Variants in RGS7 observed in about 807,000 individuals in gnomAD.
RGS7 encodes regulator of G protein signaling 7.
Under a neutral mutation model 81.1 loss-of-function variants are expected in RGS7, and 27 were observed. That is an observed-to-expected ratio of 0.33 (90% CI 0.25 to 0.46). The LOEUF (loss-of-function observed/expected upper bound fraction) is 0.46, where lower values mean the gene tolerates loss of function less well. RGS7 is among the 20% of genes least tolerant of loss of function. The pLI is 1.00. For synonymous variants in RGS7, 208 were observed against 207.7 expected (o/e 1.00, Z -0.01); for missense variants, 396 against 607.4 (o/e 0.65, Z 3.66).
intron 9 of RGS7, among the ~76,000 whole-genome samples, chr1:240,847,639 C>G (rs1659338238): frequency 6.6e-6 from 1 of 152,180 alleles, no homozygotes; most frequent in Non-Finnish European, 1.5e-5. Context: ...TTCTGTCTCA[C>G]TGGATATCTT....
chr1:241,285,758 G>T (rs1643873293), intron 2 of RGS7, among the ~76,000 whole-genome samples: 1 of 152,184 alleles, frequency 6.6e-6, no homozygotes, highest in Non-Finnish European at 1.5e-5. Context: ...TGTCTTGGTT[G>T]GTCTCTCCCT....
chr1:241,278,935 A>G (rs1239288790), intron 2 of RGS7, among the ~76,000 whole-genome samples: 3 of 152,160 alleles, frequency 2.0e-5, no homozygotes, highest in Non-Finnish European at 4.4e-5. Flanking sequence ...GGAGAAAAGA[A>G]TGGAAGCAGG....
At chr1:241,139,265 TCTC>T (rs1052707578) in intron 2 of RGS7, among the ~76,000 whole-genome samples, 2 of 148,608 alleles carry the variant, frequency 1.3e-5, no homozygotes, top group African/African-American at 2.5e-5. Flanking sequence ...TTCCTCCCAC[TCTC>T]CTTTCCTCCC....
chr1:240,841,565 T>C (rs1242342757), intron 9 of RGS7, among the ~76,000 whole-genome samples: 1 of 141,270 alleles, frequency 7.1e-6, no homozygotes, highest in African/African-American at 2.6e-5. Context: ...TGCAGTACTT[T>C]GACATTTTTC....
rs540346207 is a variant in RGS7 at position 240,861,861 on chromosome 1, T to C, written c.609+6726A>G. 2.0e-5 allele frequency among the ~76,000 whole-genome samples: 3 copies of C among 152,308 alleles called. No homozygotes were observed. The South Asian group carries it at 6.2e-4, about 32-fold the overall frequency. On this transcript the variant is annotated intron_variant, in intron 9 of 18. Coordinates refer to ENST00000440928, the MANE Select transcript of RGS7 (RefSeq NM_001364886.1). ...GAGGATTGGGCACAAAATGCTAAAA[T>C]TGAGTTTCTTCAGCACTTTGACAAG...
At chr1:241,236,230 C>T (rs1443113038) in intron 2 of RGS7, among the ~76,000 whole-genome samples, 1 of 149,334 alleles carries the variant, frequency 6.7e-6, no homozygotes, top group Non-Finnish European at 1.5e-5. Flanking sequence ...AAGATGAGTA[C>T]ATACATGTAA....
At chr1:241,220,981 G>GAAA (rs879590795) in intron 2 of RGS7, among the ~76,000 whole-genome samples, 1 of 55,410 alleles carries the variant, frequency 1.8e-5, no homozygotes, top group African/African-American at 7.7e-5. Flanking sequence ...AAGGAAGGAA[G>GAAA]GAAGGAAGGA....
At chr1:241,341,423 G>A (rs1312732539) in intron 2 of RGS7, among the ~76,000 whole-genome samples, 1 of 152,080 alleles carries the variant, frequency 6.6e-6, no homozygotes, top group Admixed American at 6.6e-5. Flanking sequence ...AAAATACTTG[G>A]TAAAATGAAA....
At chr1:241,258,785 G>A (rs1292126124) in intron 2 of RGS7, among the ~76,000 whole-genome samples, 2 of 152,150 alleles carry the variant, frequency 1.3e-5, no homozygotes, top group African/African-American at 4.8e-5. Context: ...TATTCAGATG[G>A]TCTTCTACGG....
chr1:240,857,876 G>A (rs1331206852), intron 9 of RGS7, among the ~76,000 whole-genome samples: 1 of 152,104 alleles, frequency 6.6e-6, no homozygotes, highest in African/African-American at 2.4e-5. Flanking sequence ...TCATGATAGT[G>A]AGTGAGTTCT....
chr1:241,106,734 A>C (rs1353550002), intron 2 of RGS7, among the ~76,000 whole-genome samples: 72 of 126,680 alleles, frequency 5.7e-4, no homozygotes, highest in African/African-American at 2.7e-3. Context: ...AAAAAAAAAA[A>C]AAAAACCAAC....
At chr1:241,075,361 A>G (rs1356803956) in intron 3 of RGS7, among the ~76,000 whole-genome samples, 1 of 152,218 alleles carries the variant, frequency 6.6e-6, no homozygotes, top group Admixed American at 6.5e-5. Flanking sequence ...AAAAGATTTT[A>G]TACTTGGGAA....
intron 2 of RGS7, among the ~76,000 whole-genome samples, chr1:241,203,360 G>T (rs1223272767): frequency 6.6e-6 from 1 of 152,086 alleles, no homozygotes; most frequent in Non-Finnish European, 1.5e-5. Context: ...AGCCTCCCAA[G>T]TAGCTGGGAC....
At chr1:241,249,970 AATATTAC>A (rs1198281528) in intron 2 of RGS7, among the ~76,000 whole-genome samples, 1 of 152,234 alleles carries the variant, frequency 6.6e-6, no homozygotes, top group Non-Finnish European at 1.5e-5. Flanking sequence ...TTATCCTATC[AATATTAC>A]ATTAAGAAAT....
intron 10 of RGS7, among the ~76,000 whole-genome samples, chr1:240,825,008 G>GT (rs1397337980): frequency 6.6e-6 from 1 of 152,136 alleles, no homozygotes; most frequent in African/African-American, 2.4e-5. Flanking sequence ...TCTAGTTTCC[G>GT]TAACTATGAG....
At chr1:241,152,455 G>A (rs1424630028) in intron 2 of RGS7, among the ~76,000 whole-genome samples, 3 of 152,206 alleles carry the variant, frequency 2.0e-5, no homozygotes, top group African/African-American at 4.8e-5. Context: ...ATAATTGGGA[G>A]CTTCATCAAT....
chr1:241,153,495 G>A (rs553109032), intron 2 of RGS7, among the ~76,000 whole-genome samples: 16 of 152,246 alleles, frequency 1.1e-4, no homozygotes, highest in African/African-American at 3.4e-4. Flanking sequence ...ATTTACAAAA[G>A]GCAAGGAAGG....
chr1:241,045,554 G>C (rs2060879819), intron 3 of RGS7, among the ~76,000 whole-genome samples: 1 of 152,068 alleles, frequency 6.6e-6, no homozygotes, highest in Non-Finnish European at 1.5e-5. Flanking sequence ...AGTGGAGACA[G>C]GGTTTTACTA....
intron 3 of RGS7, among the ~76,000 whole-genome samples, chr1:240,997,142 T>C (rs1687417493): frequency 6.6e-6 from 1 of 151,994 alleles, no homozygotes; most frequent in African/African-American, 2.4e-5. Context: ...ATTATTATTA[T>C]TATTGCTGTT....
Sources: gnomAD v4.1 joint callset for allele counts (sites outside exome capture counted in the v4.1 genomes callset) on GRCh38, gnomAD v4.1.1 for gene constraint, MANE v1.5 for transcripts, NCBI Gene and HGNC (gene_info 2026-07-23, HGNC 2026-07-21) for gene names.